CHN2: variants seen among roughly 807,000 people sequenced by gnomAD.
CHN2 encodes beta-chimaerin.
In CHN2, 35 loss-of-function variants were observed where a neutral mutation model predicts 56.3. That is an observed-to-expected ratio of 0.62 (90% CI 0.47 to 0.82). The LOEUF (loss-of-function observed/expected upper bound fraction) is 0.82. CHN2 is among the 40% of genes least tolerant of loss of function. The pLI, the probability that CHN2 is intolerant of heterozygous loss-of-function variation, is 0.00. For synonymous variants in CHN2, 210 were observed against 212.8 expected, an observed-to-expected ratio of 0.99 and a Z score of 0.12; for missense variants, 491 against 580.5, an observed-to-expected ratio of 0.85 and a Z score of 1.58.
chr7:29,456,004 C>T (rs945201283), intron 6 of CHN2, among the ~76,000 whole-genome samples: 2 of 152,176 alleles, frequency 1.3e-5, no homozygotes, highest in African/African-American at 4.8e-5. Context: ...TTCTGCAGGT[C>T]TGAGGGTGGA....
intron 3 of CHN2, among the ~76,000 whole-genome samples, chr7:29,377,174 C>T (rs1290552338): frequency 6.6e-6 from 1 of 152,140 alleles, no homozygotes; most frequent in African/African-American, 2.4e-5. Context: ...CAGGCATCTG[C>T]CACCATGCCT....
intron 1 of CHN2, among the ~76,000 whole-genome samples, chr7:29,317,982 T>C (rs1795076859): frequency 6.6e-6 from 1 of 152,160 alleles, no homozygotes; most frequent in Non-Finnish European, 1.5e-5. Flanking sequence ...AGACCCTGTC[T>C]CAAAAAAACA....
Position 29,250,289 on chromosome 7 carries a change from C to T in CHN2, c.49+55299C>T, listed in dbSNP as rs377020057. On this transcript the variant is annotated intron_variant, in intron 1 of 12. Transcript: ENST00000222792. Reference sequence around the variant, plus strand: ...AAAAATGAAATTATATAGCCATTACCAAAATTAGATAGGAGATTCATTGGA... The same window carrying T: ...AAAAATGAAATTATATAGCCATTACTAAAATTAGATAGGAGATTCATTGGA... Among the ~76,000 whole-genome samples the T allele has an allele frequency of 7.2e-5, 11 of 152,290 alleles. No homozygotes were observed. In the East Asian group the frequency reaches 2.1e-3, roughly 29 times the overall value.
At position 29,256,826 on chromosome 7, in the gene CHN2, C is replaced by T. The variant is rs142236884; in HGVS notation, c.49+61836C>T. Among the ~76,000 whole-genome samples the T allele has an allele frequency of 1.4e-3, 216 of 152,188 alleles. 4 individuals are homozygous for T. Among genetic ancestry groups the T allele is most frequent in the African/African-American group, 4.9e-3 (203 of 41,518 alleles). On this transcript the variant is annotated intron_variant, in intron 1 of 12. Coordinates refer to ENST00000222792, the MANE Select transcript of CHN2 (RefSeq NM_004067.4). ...GGAGGAACCGATCGCCCCCCCACCA[C>T]GATCCAAACCTACCTACAGGGCCCT... is the stretch of plus-strand genomic sequence containing the variant.
chr7:29,481,923 CTG>C (rs1465287525), intron 7 of CHN2, among the ~76,000 whole-genome samples: 1 of 152,096 alleles, frequency 6.6e-6, no homozygotes, highest in East Asian at 1.9e-4. Context: ...CATGTATATT[CTG>C]TGTCTGAGCT....
At chr7:29,264,032 G>C (rs1158048168) in intron 1 of CHN2, among the ~76,000 whole-genome samples, 1 of 149,990 alleles carries the variant, frequency 6.7e-6, no homozygotes, top group South Asian at 2.1e-4. Flanking sequence ...GGCCCCGGGT[G>C]GGGGGTGGGG....
Position 29,504,729 on chromosome 7 carries a change from CT to C in CHN2, c.914-14del. The C allele has an allele frequency of 1.3e-6, 2 of 1,549,628 alleles. No individual in the cohort carries two copies. The highest frequency in any genetic ancestry group is 1.8e-6 in the Non-Finnish European group (2 of 1,131,828). On this transcript the variant is annotated splice_polypyrimidine_tract_variant and intron_variant, in intron 9 of 12. Coordinates refer to ENST00000222792, the MANE Select transcript of CHN2 (RefSeq NM_004067.4). ...TCAAGAAGCTAAAGTCAGTCTCTCTCTCTCTCTCTAACAGGATTAAAATCGG... is the reference window on the plus strand; with the variant it reads ...TCAAGAAGCTAAAGTCAGTCTCTCTCCTCTCTCTAACAGGATTAAAATCGG...
chr7:29,410,983 A>G (rs1478067513), intron 6 of CHN2, among the ~76,000 whole-genome samples: 1 of 152,206 alleles, frequency 6.6e-6, no homozygotes, highest in African/African-American at 2.4e-5. Context: ...TCTACTTTTT[A>G]TTAAAACAAA....
chr7:29,295,358 C>T (rs928006557), intron 1 of CHN2, among the ~76,000 whole-genome samples: 7 of 138,670 alleles, frequency 5.0e-5, no homozygotes, highest in Non-Finnish European at 9.5e-5. Context: ...GATTATAAAC[C>T]CATTGAGGGC....
chr7:29,484,555 TTCTCTGTATG>T (rs1293372378), intron 7 of CHN2, among the ~76,000 whole-genome samples: 1 of 152,186 alleles, frequency 6.6e-6, no homozygotes, highest in Non-Finnish European at 1.5e-5. Flanking sequence ...TCATATAGCC[TTCTCTGTATG>T]TCTCTGTATA....
intron 2 of CHN2, among the ~76,000 whole-genome samples, chr7:29,163,504 G>A (rs577850914): frequency 1.2e-4 from 18 of 152,134 alleles, no homozygotes; most frequent in South Asian, 8.3e-4. Context: ...ATGTTAATGG[G>A]CATATGCATA....
chr7:29,413,984 T>G (rs1049181691), intron 6 of CHN2, among the ~76,000 whole-genome samples: 1 of 152,226 alleles, frequency 6.6e-6, no homozygotes, highest in Non-Finnish European at 1.5e-5. Flanking sequence ...ATTACACACA[T>G]GCCTGCCTCT....
chr7:29,174,071 T>C (rs1011501381), intron 2 of CHN2, among the ~76,000 whole-genome samples: 2 of 151,936 alleles, frequency 1.3e-5, no homozygotes, highest in Admixed American at 6.6e-5. Context: ...CTCTTCATAG[T>C]CTCCATGGGG....
At chr7:29,370,029 G>T (rs1445726913) in intron 3 of CHN2, among the ~76,000 whole-genome samples, 2 of 152,182 alleles carry the variant, frequency 1.3e-5, no homozygotes, top group Non-Finnish European at 2.9e-5. Context: ...GCAGCATGGG[G>T]CCCATCTAGC....
intron 6 of CHN2, among the ~76,000 whole-genome samples, chr7:29,469,828 G>T (rs1463688232): frequency 6.6e-6 from 1 of 152,134 alleles, no homozygotes; most frequent in Non-Finnish European, 1.5e-5. Context: ...TAGAGTGGTT[G>T]TTCCCTGTTC....
chr7:29,288,593 G>C (rs1413350465), intron 1 of CHN2, among the ~76,000 whole-genome samples: 1 of 151,910 alleles, frequency 6.6e-6, no homozygotes, highest in Non-Finnish European at 1.5e-5. Context: ...AATAATCAAG[G>C]GGCTTGGCCA....
intron 2 of CHN2, among the ~76,000 whole-genome samples, chr7:29,160,535 C>T (rs1012153109): frequency 2.0e-5 from 3 of 152,148 alleles, no homozygotes; most frequent in African/African-American, 4.8e-5. Context: ...CAGTCCTGGT[C>T]AGTGAAATAT....
intron 1 of CHN2, among the ~76,000 whole-genome samples, chr7:29,293,362 G>GCCCCCC (rs35565281): frequency 1.9e-5 from 1 of 53,116 alleles, no homozygotes. Flanking sequence ...GGCAGCTAAT[G>GCCCCCC]CCCCCCCCCC....
intron 7 of CHN2, among the ~76,000 whole-genome samples, chr7:29,489,917 T>G (rs1488970746): frequency 6.6e-6 from 1 of 152,218 alleles, no homozygotes; most frequent in Non-Finnish European, 1.5e-5. Flanking sequence ...GTGATTAGCC[T>G]ATCCTGTTTT....
Sources: allele counts gnomAD v4.1 joint callset (sites outside exome capture counted in the v4.1 genomes callset), GRCh38; gene constraint gnomAD v4.1.1; transcripts MANE v1.5; gene names NCBI Gene and HGNC (gene_info 2026-07-23, HGNC 2026-07-21).